Variants in PTPRK observed in about 807,000 individuals in gnomAD.
The protein encoded by PTPRK is protein tyrosine phosphatase receptor type K, also known as receptor-type tyrosine-protein phosphatase kappa.
A neutral mutation model predicts 178.0 loss-of-function variants in PTPRK; 75 were observed. That is an observed-to-expected ratio of 0.42 (90% CI 0.35 to 0.51). The LOEUF (loss-of-function observed/expected upper bound fraction) is 0.51. PTPRK is among the 20% of genes least tolerant of loss of function. The pLI, the probability that PTPRK is intolerant of heterozygous loss-of-function variation, is 0.02. For synonymous variants in PTPRK, 637 were observed against 620.6 expected (o/e 1.03, Z -0.39); for missense variants, 1,441 against 1,797.8 (o/e 0.80, Z 3.59).
intron 7 of PTPRK, among the ~76,000 whole-genome samples, chr6:128,158,022 C>A (rs1302916392): frequency 6.6e-6 from 1 of 151,908 alleles, no homozygotes; most frequent in Non-Finnish European, 1.5e-5. Context: ...ATGCCTATGT[C>A]CTGAATGGTA....
chr6:128,219,035 G>T lies in PTPRK; in HGVS notation c.755C>A (p.Ala252Asp). ...QTKNINHRRF[A>D]ASFRLQEVTK... Reference sequence around the variant, plus strand: ...CACTTCTTGCAATCTGAAGGAAGCGGCAAACCTTCTATGATTGATGTTCTT... The same window carrying T: ...CACTTCTTGCAATCTGAAGGAAGCGTCAAACCTTCTATGATTGATGTTCTT... The change falls in exon 6 of 30, where the codon GCC becomes GAC. Residue 252 changes from alanine to aspartate, a missense_variant. Physicochemically the swap from Ala to Asp is moderately radical, Grantham distance 126. Transcript: ENST00000368226. 1 of 1,613,898 alleles carries T rather than the reference G, an allele frequency of 6.2e-7. No homozygotes were observed. The highest frequency in any genetic ancestry group is 8.5e-7 in the Non-Finnish European group (1 of 1,179,798).
chr6:128,080,160 T>A (rs184196187), intron 10 of PTPRK, among the ~76,000 whole-genome samples: 16 of 152,044 alleles, frequency 1.1e-4, no homozygotes, highest in Admixed American at 9.2e-4. Flanking sequence ...ACTAAAATTC[T>A]GAGAAAGGAA....
chr6:128,045,556 T>C (rs1025348108), intron 13 of PTPRK, among the ~76,000 whole-genome samples: 2 of 152,014 alleles, frequency 1.3e-5, no homozygotes, highest in African/African-American at 4.8e-5. Context: ...TCTTTTTCTG[T>C]ATTAGATTAA....
chr6:128,120,015 T>C (rs1792193404), intron 7 of PTPRK, among the ~76,000 whole-genome samples: 1 of 151,988 alleles, frequency 6.6e-6, no homozygotes, highest in Non-Finnish European at 1.5e-5. Context: ...GAAGTCTGAT[T>C]CTTCAGTATT....
chr6:128,374,762 T>A (rs1836784007), intron 2 of PTPRK, among the ~76,000 whole-genome samples: 2 of 152,178 alleles, frequency 1.3e-5, no homozygotes, highest in African/African-American at 4.8e-5. Flanking sequence ...AGTATGACCC[T>A]GTCAAGATAA....
intron 3 of PTPRK, among the ~76,000 whole-genome samples, chr6:128,298,706 G>C (rs113567846): frequency 0.052 from 7,896 of 152,004 alleles, 676 homozygotes; most frequent in African/African-American, 0.18. Flanking sequence ...ATTAGGTATT[G>C]ATGGGACGTA....
intron 7 of PTPRK, among the ~76,000 whole-genome samples, chr6:128,180,834 CTTG>C (rs1308560222): frequency 2.6e-5 from 4 of 151,934 alleles, no homozygotes; most frequent in East Asian, 1.9e-4. Flanking sequence ...CCAGACTTTA[CTTG>C]TTGTGCTTTT....
Position 127,977,066 on chromosome 6 carries a change from C to G in PTPRK, c.3712-12G>C. On this transcript the variant is annotated splice_polypyrimidine_tract_variant and intron_variant, in intron 25 of 29. Coordinates refer to ENST00000368226, the MANE Select transcript of PTPRK (RefSeq NM_002844.4). ...GGTTGCCTGTAGCTCTGTGAAGAAA[C>G]AAGGTAGATGGAGAAATATAAAAAC... The G allele has an allele frequency of 1.2e-6, 2 of 1,612,652 alleles. No individual in the cohort carries two copies. Among genetic ancestry groups the G allele is most frequent in the Admixed American group, 1.7e-5 (1 of 59,964 alleles).
intron 7 of PTPRK, among the ~76,000 whole-genome samples, chr6:128,122,739 G>C (rs1792684758): frequency 6.6e-6 from 1 of 152,172 alleles, no homozygotes; most frequent in Non-Finnish European, 1.5e-5. Flanking sequence ...AAAATTAAAA[G>C]AGAATATATG....
intron 25 of PTPRK, among the ~76,000 whole-genome samples, chr6:127,978,318 T>A (rs1203312002): frequency 6.6e-6 from 1 of 152,178 alleles, no homozygotes; most frequent in African/African-American, 2.4e-5. Context: ...GATAATTGAA[T>A]CATGCAGGCA....
chr6:128,369,245 T>C (rs1431032934), intron 2 of PTPRK, among the ~76,000 whole-genome samples: 3 of 148,982 alleles, frequency 2.0e-5, no homozygotes, highest in African/African-American at 7.4e-5. Context: ...AGTGCAGTAA[T>C]GATTATAGAG....
At chr6:128,362,848 T>C (rs1834958780) in intron 2 of PTPRK, among the ~76,000 whole-genome samples, 1 of 152,130 alleles carries the variant, frequency 6.6e-6, no homozygotes, top group South Asian at 2.1e-4. Context: ...GTAAATTTTC[T>C]CAACAAAGAA....
intron 1 of PTPRK, among the ~76,000 whole-genome samples, chr6:128,417,414 A>G (rs374172175): frequency 6.6e-5 from 10 of 152,200 alleles, no homozygotes; most frequent in African/African-American, 2.4e-4. Context: ...CAGCACCTCC[A>G]AAGAGAAGTT....
intron 13 of PTPRK, among the ~76,000 whole-genome samples, chr6:128,052,886 C>T (rs1436903313): frequency 6.6e-6 from 1 of 152,116 alleles, no homozygotes; most frequent in East Asian, 1.9e-4. Context: ...CTAGTTCAGC[C>T]AATGAGGGGC....
chr6:128,017,765 T>TAA lies in PTPRK; in HGVS notation c.2195-8498_2195-8497insTT, dbSNP rs67935783. Among the ~76,000 whole-genome samples the TAA allele has an allele frequency of 6.1e-5, 8 of 130,696 alleles. 1 individual carries two copies. The highest frequency in any genetic ancestry group is 8.6e-5 in the Admixed American group (1 of 11,654). The allele number at this position is 130,696 out of a possible 152,430, so 85.7% of individuals were successfully genotyped here. On this transcript the variant is annotated intron_variant, in intron 13 of 29. Transcript: ENST00000368226. Reference sequence around the variant, plus strand: ...ATATATAAATAAATATATATACATATATAAATATTTATACATATATAAATA... The same window carrying TAA: ...ATATATAAATAAATATATATACATATAAATAAATATTTATACATATATAAATA...
At chr6:128,275,454 G>C (rs1451753415) in intron 3 of PTPRK, among the ~76,000 whole-genome samples, 2 of 151,958 alleles carry the variant, frequency 1.3e-5, no homozygotes, top group Admixed American at 1.3e-4. Context: ...AAAAGAAAGA[G>C]TTCAAGGGCC....
rs541046692 is a variant in PTPRK at position 128,212,226 on chromosome 6, T to G, written c.868+6696A>C. 5.3e-5 allele frequency among the ~76,000 whole-genome samples: 8 copies of G among 152,034 alleles called. No individual in the cohort carries two copies. In the East Asian group the frequency reaches 1.3e-3, roughly 26 times the overall value. On this transcript the variant is annotated intron_variant, in intron 6 of 29. Transcript: ENST00000368226. ...ATGAGATTCTTAAGTACTGAGACTA[T>G]GTATGCGATTTTTTTGGCATTTGTC...
chr6:128,015,785 T>A (rs1779528634), intron 13 of PTPRK, among the ~76,000 whole-genome samples: 1 of 151,700 alleles, frequency 6.6e-6, no homozygotes, highest in Admixed American at 6.6e-5. Flanking sequence ...GTTTTATCCA[T>A]CCCATTTTGA....
At chr6:128,329,689 C>T (rs2128324929) in intron 2 of PTPRK, among the ~76,000 whole-genome samples, 1 of 152,090 alleles carries the variant, frequency 6.6e-6, no homozygotes, top group Middle Eastern at 3.4e-3. Flanking sequence ...CATCTCAGTA[C>T]TTCAAGCGAT....
Sources: allele counts gnomAD v4.1 joint callset (sites outside exome capture counted in the v4.1 genomes callset), GRCh38; gene constraint gnomAD v4.1.1; transcripts MANE v1.5; gene names NCBI Gene and HGNC (gene_info 2026-07-23, HGNC 2026-07-21).